Variants in TTI1 observed in about 807,000 individuals in gnomAD.
The protein encoded by TTI1 is TELO2 interacting protein 1, also known as TELO2-interacting protein 1 homolog.
Under a neutral mutation model 85.4 loss-of-function variants are expected in TTI1, and 52 were observed. The ratio of observed to expected loss-of-function variants is 0.61; its 90% CI spans 0.49 to 0.77. The LOEUF (loss-of-function observed/expected upper bound fraction) is 0.77. Among genes scored for constraint, TTI1 ranks in the 30% least tolerant of loss-of-function variants. The pLI is 0.00. For missense variants in TTI1, 1,173 were observed against 1,296.0 expected, an observed-to-expected ratio of 0.91 and a Z score of 1.46; for synonymous variants, 512 against 503.9, an observed-to-expected ratio of 1.02 and a Z score of -0.22.
In TTI1 at chr20:38,012,209, C is replaced by G. The variant is rs77445260; in HGVS notation, c.1608G>C (p.Leu536=). ...LNELVTGAAG[L]EVEDLHEKHI... is the part of the protein sequence containing the mutation. The stretch of plus-strand genomic sequence containing the variant: ...GTTTTTCGTGAAGATCCTCAACCTC[C>G]AGCCCAGCAGCCCCTGTAACCAGTT... The change falls in exon 2 of 8, where the codon CTG becomes CTC. Residue 536 remains leucine, a synonymous_variant. Transcript: ENST00000373447. The G allele has an allele frequency of 8.4e-5, 136 of 1,614,210 alleles. No homozygotes were observed. In the African/African-American group the frequency reaches 1.7e-3, roughly 20 times the overall value.
intron 1 of TTI1, among the ~76,000 whole-genome samples, chr20:38,027,657 G>A (rs2073853087): frequency 1.3e-5 from 2 of 152,220 alleles, no homozygotes; most frequent in African/African-American, 2.4e-5. Context: ...TGGGCCCAGT[G>A]GCTCACGCCT....
At chr20:38,019,750 T>C (rs560145189) in intron 1 of TTI1, among the ~76,000 whole-genome samples, 30 of 152,362 alleles carry the variant, frequency 2.0e-4, no homozygotes, top group Admixed American at 1.2e-3. Context: ...AGCAGCACTA[T>C]TGACATTTTG....
chr20:38,011,671 G>C lies in TTI1; in HGVS notation c.2146C>G (p.Pro716Ala), dbSNP rs2073591541. 5 of 1,614,202 alleles carry C rather than the reference G, an allele frequency of 3.1e-6. No homozygotes were observed. Among genetic ancestry groups the C allele is most frequent in the Non-Finnish European group, 4.2e-6 (5 of 1,180,046 alleles). ...LRHLALHPHT[P>A]KVLEVMLRNS... ...CGCAGCATGACTTCCAGGACCTTTG[G>C]GGTATGAGGATGCAGAGCCAGATGA... Residue 716 changes from proline (P) to alanine (A), a missense_variant, in exon 2 of 8, where the codon CCA (proline) becomes GCA (alanine). Pro to Ala is a conservative substitution (Grantham distance 27, BLOSUM62 -1). Transcript: ENST00000373447.
chr20:37,996,641 A>G, intron 6 of TTI1, 108 bp downstream of exon 6: 1 of 1,397,552 alleles, frequency 7.2e-7, no homozygotes, highest in Middle Eastern at 2.3e-4. Context: ...AGACGGAAGG[A>G]GGTACACAGA....
At chr20:37,987,172 C>G in intron 7 of TTI1, 1 of 456,732 alleles carries the variant, frequency 2.2e-6, no homozygotes, top group Non-Finnish European at 4.4e-6. Context: ...GATCTGAGTC[C>G]TTAGCGCCAG....
At chr20:38,026,044 G>A (rs1174848489) in intron 1 of TTI1, among the ~76,000 whole-genome samples, 1 of 152,136 alleles carries the variant, frequency 6.6e-6, no homozygotes, top group African/African-American at 2.4e-5. Context: ...ATATCAAGAA[G>A]CTGAGTGAAC....
chr20:37,984,331 C>G (rs1568604832), intron 7 of TTI1, among the ~76,000 whole-genome samples: 1 of 152,206 alleles, frequency 6.6e-6, no homozygotes. Flanking sequence ...AGATAGAGCA[C>G]TGATGTCCTC....
At chr20:38,006,098 CT>C in intron 3 of TTI1, 98 bp downstream of exon 3, 1 of 1,386,208 alleles carries the variant, frequency 7.2e-7, no homozygotes, top group Non-Finnish European at 1.0e-6. Context: ...TTATGAGTAA[CT>C]TTTCTTATTT....
intron 1 of TTI1, among the ~76,000 whole-genome samples, chr20:38,015,286 G>A (rs913021796): frequency 2.0e-5 from 3 of 152,146 alleles, no homozygotes; most frequent in Admixed American, 6.5e-5. Flanking sequence ...GGCACTGTTC[G>A]TCACTGTGAG....
At chr20:38,030,332 A>C (rs1445042359) in intron 1 of TTI1, among the ~76,000 whole-genome samples, 1 of 152,142 alleles carries the variant, frequency 6.6e-6, no homozygotes, top group Admixed American at 6.5e-5. Flanking sequence ...ACATTTAATG[A>C]AGAATTAACA....
chr20:37,987,760 C>T (rs1325821677), intron 7 of TTI1, among the ~76,000 whole-genome samples: 3 of 152,226 alleles, frequency 2.0e-5, no homozygotes, highest in Non-Finnish European at 4.4e-5. Flanking sequence ...ACTGATTTTT[C>T]ACTTAAAATG....
At chr20:37,991,552 A>G (rs1284941554) in intron 7 of TTI1, among the ~76,000 whole-genome samples, 1 of 152,236 alleles carries the variant, frequency 6.6e-6, no homozygotes, top group African/African-American at 2.4e-5. Flanking sequence ...ATGAACCTTC[A>G]AACCCGGTCC....
intron 2 of TTI1, among the ~76,000 whole-genome samples, chr20:38,010,367 G>C (rs1001851853): frequency 1.3e-5 from 2 of 152,016 alleles, no homozygotes; most frequent in Non-Finnish European, 2.9e-5. Flanking sequence ...TTAAATAAAA[G>C]GGACCCAAGC....
chr20:38,018,252 GATAA>G (rs1262947060), intron 1 of TTI1, among the ~76,000 whole-genome samples: 1 of 151,926 alleles, frequency 6.6e-6, no homozygotes, highest in Non-Finnish European at 1.5e-5. Flanking sequence ...TAAATGAAAG[GATAA>G]ATAATTTTAT....
In TTI1 at chr20:37,992,106, C is replaced by T. The variant is rs2073273119; in HGVS notation, c.3086+4269G>A. On this transcript the variant is annotated intron_variant, in intron 7 of 7. Coordinates refer to ENST00000373447, the MANE Select transcript of TTI1 (RefSeq NM_001303457.2). ...CCATCAGGGGCTACAGCAATAACAG[C>T]ATCCAGGACTTGCGTGGCCAGAAGG... is the stretch of plus-strand genomic sequence containing the variant. Among the ~76,000 whole-genome samples the T allele has an allele frequency of 2.0e-5, 3 of 152,202 alleles. No individual in the cohort carries two copies. In the South Asian group the frequency reaches 6.2e-4, roughly 32 times the overall value.
rs548114370 is a variant in TTI1, at chr20:38,031,047, T to C, written c.-42+2357A>G. 5.6e-4 allele frequency among the ~76,000 whole-genome samples: 86 copies of C among 152,316 alleles called. No homozygotes were observed. In the South Asian group the frequency reaches 0.017, roughly 31 times the overall value. ...GATCCTGTTACCTCTTCCTCTAAAA[T>C]ATCCCCAGAACTGTCCCTTTCTTAC... On this transcript the variant is annotated intron_variant, in intron 1 of 7. Coordinates refer to ENST00000373447, the MANE Select transcript of TTI1 (RefSeq NM_001303457.2).
intron 3 of TTI1, among the ~76,000 whole-genome samples, chr20:38,005,165 C>CA (rs1377305833): frequency 1.3e-5 from 2 of 151,210 alleles, no homozygotes; most frequent in Non-Finnish European, 3.0e-5. Flanking sequence ...AGGAAAAAAA[C>CA]AAAAAAAGGA....
intron 2 of TTI1, among the ~76,000 whole-genome samples, chr20:38,009,382 T>C (rs1184857799): frequency 6.6e-6 from 1 of 152,186 alleles, no homozygotes; most frequent in Non-Finnish European, 1.5e-5. Flanking sequence ...CTCAAGGCCC[T>C]ACCAGGATTT....
intron 7 of TTI1, chr20:37,987,092 C>G (rs937115646): frequency 2.2e-5 from 10 of 447,848 alleles, no homozygotes; most frequent in Non-Finnish European, 3.6e-5. Flanking sequence ...ACTCTAAACA[C>G]GACAAATTCC....
Sources: allele counts gnomAD v4.1 joint callset (sites outside exome capture counted in the v4.1 genomes callset), GRCh38; gene constraint gnomAD v4.1.1; transcripts MANE v1.5; gene names NCBI Gene and HGNC (gene_info 2026-07-23, HGNC 2026-07-21).